Variants in PCDHA6 observed in about 807,000 individuals in gnomAD.
PCDHA6 encodes the protein protocadherin alpha 6, also known as protocadherin alpha-6.
In PCDHA6, 55 loss-of-function variants were observed where a neutral mutation model predicts 60.3. The observed-to-expected ratio is 0.91, with a 90% CI of 0.73 to 1.14. The LOEUF (loss-of-function observed/expected upper bound fraction) is 1.14. Among genes scored for constraint, PCDHA6 ranks in the 50% most tolerant of loss-of-function variants. PCDHA6 has a pLI of 0.00. For synonymous variants in PCDHA6, 652 were observed against 557.9 expected (o/e 1.17, Z -2.38); for missense variants, 1,327 against 1,256.5 (o/e 1.06, Z -0.85).
At chr5:140,886,905 A>G (rs2061220299) in intron 1 of PCDHA6, among the ~76,000 whole-genome samples, 2 of 152,010 alleles carry the variant, frequency 1.3e-5, no homozygotes, top group Admixed American at 1.3e-4. Flanking sequence ...TTTAATAAAT[A>G]CTTATTGAGT....
chr5:140,978,506 C>T (rs914101151), intron 1 of PCDHA6, among the ~76,000 whole-genome samples: 22 of 152,244 alleles, frequency 1.4e-4, no homozygotes, highest in African/African-American at 4.1e-4. Context: ...GATTGCAGTC[C>T]TCTGCAGTCC....
chr5:140,833,938 G>A, intron 1 of PCDHA6, among the ~76,000 whole-genome samples: 1 of 152,088 alleles, frequency 6.6e-6, no homozygotes, highest in East Asian at 1.9e-4. Flanking sequence ...TTGTCACTTA[G>A]GTTTCTATCT....
intron 1 of PCDHA6, among the ~76,000 whole-genome samples, chr5:140,921,467 A>G (rs1287124986): frequency 1.3e-5 from 2 of 152,204 alleles, no homozygotes; most frequent in East Asian, 1.9e-4. Flanking sequence ...TGCAACCACT[A>G]CCAAACCACT....
In PCDHA6 at chr5:140,844,917, G is replaced by T. The variant is rs2150375061; in HGVS notation, c.2394+14432G>T. On this transcript the variant is annotated intron_variant, in intron 1 of 3. Coordinates refer to ENST00000529310, the MANE Select transcript of PCDHA6 (RefSeq NM_018909.4). ...TGCTTTGGAGAGAATGGTAGAAATT[G>T]ATGGAAGGGAATGAACGATTTCTGG... 3.9e-4 allele frequency among the ~76,000 whole-genome samples: 58 copies of T among 149,480 alleles called. 5 individuals carry two copies. The highest frequency in any genetic ancestry group is 2.2e-3 in the Admixed American group (33 of 14,920).
intron 1 of PCDHA6, chr5:140,868,839 C>T (rs1442886604): frequency 4.6e-6 from 2 of 432,190 alleles, no homozygotes; most frequent in East Asian, 3.8e-5. Flanking sequence ...ACCCAAAACA[C>T]GTGAAATTCT....
chr5:141,000,005 C>T (rs2097888446), intron 3 of PCDHA6, among the ~76,000 whole-genome samples: 1 of 152,024 alleles, frequency 6.6e-6, no homozygotes. Context: ...ATTAGATTGG[C>T]CTCCCCATTG....
chr5:140,836,378 G>C (rs2150259168), intron 1 of PCDHA6: 13 of 1,613,632 alleles, frequency 8.1e-6, no homozygotes, highest in Non-Finnish European at 1.1e-5. Flanking sequence ...CAGCCACCGT[G>C]CTGGTGTCGC....
At chr5:141,006,108 T>C (rs1268824828) in intron 3 of PCDHA6, among the ~76,000 whole-genome samples, 5 of 151,864 alleles carry the variant, frequency 3.3e-5, no homozygotes. Context: ...GTAAGGAGTT[T>C]TTTTTTTTTT....
chr5:140,849,995 C>A lies in PCDHA6; in HGVS notation c.2394+19510C>A, dbSNP rs2150462177. ...ACTCGCTGGTGGAGCGGCGGTTGGG[C>A]GAGCGCTCGCTGTCGAGCTACGTGT... On this transcript the variant is annotated intron_variant, in intron 1 of 3. Transcript: ENST00000529310. 5.0e-6 allele frequency: 8 copies of A among 1,597,088 alleles called. 1 individual carries two copies. The East Asian group carries it at 1.3e-4, about 27-fold the overall frequency.
Position 140,908,048 on chromosome 5 carries a change from C to T in PCDHA6, c.2395-70901C>T, listed in dbSNP as rs143198443. On this transcript the variant is annotated intron_variant, in intron 1 of 3. Transcript: ENST00000529310. The stretch of plus-strand genomic sequence containing the variant: ...ATTAATCAGTATATAATTGCACATC[C>T]GGCCATTTCTCCTTCATGAAAAGTG... 1.1e-3 allele frequency among the ~76,000 whole-genome samples: 169 copies of T among 152,294 alleles called. 1 individual carries two copies. The East Asian group carries it at 0.023, about 21-fold the overall frequency.
intron 1 of PCDHA6, chr5:140,862,442 C>A: frequency 2.8e-6 from 1 of 361,562 alleles, no homozygotes. Flanking sequence ...CGTTGGTACT[C>A]CACAGCGCCC....
chr5:140,882,406 C>T, intron 1 of PCDHA6: 3 of 1,614,138 alleles, frequency 1.9e-6, no homozygotes, highest in Non-Finnish European at 2.5e-6. Context: ...CCTTCGTGGG[C>T]CGCATCGCTC....
rs532781317 is a variant in PCDHA6, at chr5:140,854,917, G to A, written c.2394+24432G>A. 4.6e-4 allele frequency among the ~76,000 whole-genome samples: 69 copies of A among 149,868 alleles called. 3 individuals are homozygous for A. Among genetic ancestry groups the A allele is most frequent in the South Asian group, 2.8e-3 (13 of 4,714 alleles). ...AAGCGTAAATATAACAGGGTTGAAA[G>A]CATTTGCCTCTGAAAGCAGAAATAA... On this transcript the variant is annotated intron_variant, in intron 1 of 3. Transcript: ENST00000529310.
intron 1 of PCDHA6, chr5:140,858,285 G>T: frequency 6.3e-7 from 1 of 1,597,520 alleles, no homozygotes; most frequent in Non-Finnish European, 8.6e-7. Flanking sequence ...GTGGGGAGCT[G>T]GTCTTACTCG....
At chr5:140,957,556 A>G (rs1364343526) in intron 1 of PCDHA6, among the ~76,000 whole-genome samples, 1 of 152,150 alleles carries the variant, frequency 6.6e-6, no homozygotes, top group African/African-American at 2.4e-5. Flanking sequence ...TCTCTGTGGA[A>G]AAGGAGGGAC....
At chr5:140,988,483 C>T (rs2097299555) in intron 3 of PCDHA6, among the ~76,000 whole-genome samples, 2 of 152,030 alleles carry the variant, frequency 1.3e-5, no homozygotes, top group African/African-American at 4.8e-5. Context: ...AATTAGCATC[C>T]CCTACCTAGG....
chr5:140,829,787 C>T lies in PCDHA6; in HGVS notation c.1696C>T (p.Leu566=). The T allele has an allele frequency of 6.2e-7, 1 of 1,613,830 alleles. No homozygotes were observed. Among genetic ancestry groups the T allele is most frequent in the Non-Finnish European group, 8.5e-7 (1 of 1,179,876 alleles). Residue 566 remains leucine, a synonymous_variant, in exon 1 of 4, where the codon CTG becomes TTG. Transcript: ENST00000529310. ...CGAGAACGACAACGCGCCGGCGCTG[C>T]TGGCGCCTCGGGTGGGTGGTACTGG... is the stretch of plus-strand genomic sequence containing the variant. The part of the protein sequence containing the change: ...LDENDNAPAL[L]APRVGGTGGA...
intron 1 of PCDHA6, chr5:140,866,167 CAT>C (rs1328596564): frequency 7.9e-5 from 12 of 152,072 alleles, no homozygotes; most frequent in African/African-American, 2.9e-4. Flanking sequence ...AATCGTTTAA[CAT>C]GTAAGAAAAG....
In PCDHA6 at chr5:140,869,686, A is replaced by T. The variant is rs782130952; in HGVS notation, c.2394+39201A>T. ...TAAGCAGATTAAAAGACTGTCACTT[A>T]TTTTAAAGAAGTCTCTGGATAGAGA... On this transcript the variant is annotated intron_variant, in intron 1 of 3. Transcript: ENST00000529310. The T allele has an allele frequency of 5.6e-6, 9 of 1,613,330 alleles. No homozygotes were observed. In the African/African-American group the frequency reaches 1.2e-4, roughly 22 times the overall value.
Sources: gnomAD v4.1 joint callset for allele counts (sites outside exome capture counted in the v4.1 genomes callset) on GRCh38, gnomAD v4.1.1 for gene constraint, MANE v1.5 for transcripts, NCBI Gene and HGNC (gene_info 2026-07-23, HGNC 2026-07-21) for gene names.